Variants in PDGFB observed in about 807,000 individuals in gnomAD.
The protein encoded by PDGFB is platelet-derived growth factor subunit B.
Under a neutral mutation model 29.0 loss-of-function variants are expected in PDGFB, and 6 were observed. The observed-to-expected ratio is 0.21, with a 90% CI of 0.11 to 0.41. The LOEUF (loss-of-function observed/expected upper bound fraction) is 0.41, where lower values mean the gene tolerates loss of function less well. PDGFB is among the 10% of genes least tolerant of loss of function. The pLI, the probability that PDGFB is intolerant of heterozygous loss-of-function variation, is 1.00. For missense variants in PDGFB, 299 were observed against 341.8 expected (o/e 0.87, Z 0.99); for synonymous variants, 144 against 140.8 (o/e 1.02, Z -0.16).
rs768465506 is a variant in PDGFB at position 39,224,245 on chromosome 22, T to C, written c.*1097A>G. The C allele has an allele frequency of 1.3e-5, 2 of 152,198 alleles. No individual in the cohort carries two copies. The highest frequency in any genetic ancestry group is 2.4e-5 in the African/African-American group (1 of 41,444). The allele number at this position is 152,198 out of a possible 1,614,324, so 9.4% of individuals were successfully genotyped here. ...TGTGTGAATTAGGAAAAGGATCCTT[T>C]TCCTCTTTACCTACATCTGCCAGAA... On this transcript the variant is annotated 3_prime_UTR_variant, in exon 7 of 7. Coordinates refer to ENST00000331163, the MANE Select transcript of PDGFB (RefSeq NM_002608.4).
chr22:39,244,743 G>T lies in PDGFB; in HGVS notation c.-780C>A, dbSNP rs1932654004. On this transcript the variant is annotated 5_prime_UTR_variant, in exon 1 of 7. Coordinates refer to ENST00000331163, the MANE Select transcript of PDGFB (RefSeq NM_002608.4). The surrounding 1 kb of genome is among the most constrained non-coding windows in gnomAD (Gnocchi z 4.5). ...CTCTGCGGGCTGCGGGCTGCGAGCT[G>T]CGAGCTGCGAGCTGCGGCTGCTCCG... is the stretch of plus-strand genomic sequence containing the variant. 1 of 189,112 alleles carries T rather than the reference G, an allele frequency of 5.3e-6. No individual in the cohort carries two copies. The highest frequency in any genetic ancestry group is 6.2e-5 in the Admixed American group (1 of 16,056). 11.7% of individuals were successfully genotyped at this position (189,112 alleles called of 1,614,324 possible).
chr22:39,225,670 C>T (rs1932146061), intron 6 of PDGFB, 25 bp downstream of exon 6: 1 of 1,587,682 alleles, frequency 6.3e-7, no homozygotes, highest in East Asian at 2.3e-5. Flanking sequence ...GATTCTGGGC[C>T]TCAGTTGCCC....
intron 1 of PDGFB, 32 bp from the exon 2 acceptor site, chr22:39,235,906 C>G (rs763056377): frequency 2.7e-6 from 4 of 1,473,776 alleles, no homozygotes; most frequent in Non-Finnish European, 3.8e-6. Context: ...GCTGAGTGAG[C>G]TGGGAGTGGG....
chr22:39,231,777 T>C lies in PDGFB; in HGVS notation c.301A>G (p.Thr101Ala). 2 of 1,613,704 alleles carry C rather than the reference T, an allele frequency of 1.2e-6. No individual in the cohort carries two copies. Among genetic ancestry groups the C allele is most frequent in the African/African-American group, 1.3e-5 (1 of 75,042 alleles). ...PAMIAECKTR[T>A]EVFEISRRLI... ...CGCCGGGAGATCTCGAACACCTCGG[T>C]GCGCGTCTTGCACTCGGCGATCATG... Residue 101 changes from threonine to alanine, a missense_variant, in exon 4 of 7, where the codon ACC becomes GCC. Coordinates refer to ENST00000331163, the MANE Select transcript of PDGFB (RefSeq NM_002608.4). This position sits in a 1 kb window ranked among gnomAD's most constrained non-coding sequence, Gnocchi z 4.3.
chr22:39,233,516 C>G lies in PDGFB; in HGVS notation c.169G>C (p.Gly57Arg), dbSNP rs1165442073. ...LLHGDPGEED[G>R]AELDLNMTRS... ...GTCATGTTCAGGTCCAACTCGGCCC[C>G]ATCTTCCTCTGCAGGAGAAGTCACA... Residue 57 changes from glycine to arginine, a missense_variant, in exon 3 of 7, where the codon GGG becomes CGG. Gly to Arg is a moderately radical substitution (Grantham distance 125). Coordinates refer to ENST00000331163, the MANE Select transcript of PDGFB (RefSeq NM_002608.4). 1 of 1,588,020 alleles carries G rather than the reference C, an allele frequency of 6.3e-7. No homozygotes were observed. The highest frequency in any genetic ancestry group is 1.4e-5 in the African/African-American group (1 of 73,062).
intron 1 of PDGFB, chr22:39,240,718 A>C: frequency 3.0e-6 from 3 of 991,188 alleles, no homozygotes; most frequent in Non-Finnish European, 4.8e-6. Flanking sequence ...CCAGGAGGAA[A>C]GCTCTCTAAT....
chr22:39,235,783 G>A lies in PDGFB; in HGVS notation c.155C>T (p.Pro52Leu), dbSNP rs141709643. 54 of 1,610,942 alleles carry A rather than the reference G, an allele frequency of 3.4e-5. No homozygotes were observed. The African/African-American group carries it at 6.8e-4, about 20-fold the overall frequency. Residue 52 changes from proline (P) to leucine (L), a missense_variant, in exon 2 of 7, where the codon CCC becomes CTC. Pro to Leu is a moderately conservative substitution (Grantham distance 98). Coordinates refer to ENST00000331163, the MANE Select transcript of PDGFB (RefSeq NM_002608.4). Reference sequence around the variant, plus strand: ...GGGGCGAGGATTCCATTTACCTCCGGGGTCTCCGTGCAGCAGGCGTTGGAG... The same window carrying A: ...GGGGCGAGGATTCCATTTACCTCCGAGGTCTCCGTGCAGCAGGCGTTGGAG... ...DDLQRLLHGDPGEEDGAELDL... is the reference protein window; with the variant it reads ...DDLQRLLHGDLGEEDGAELDL...
At chr22:39,237,455 G>C (rs981130660) in intron 1 of PDGFB, among the ~76,000 whole-genome samples, 5 of 152,158 alleles carry the variant, frequency 3.3e-5, no homozygotes, top group African/African-American at 1.2e-4. Flanking sequence ...TGAGAACTAG[G>C]GTCTTTCCTT....
intron 4 of PDGFB, 142 bp from the exon 5 acceptor site, chr22:39,230,370 A>T (rs4821874): frequency 2.6e-6 from 2 of 761,192 alleles, no homozygotes; most frequent in South Asian, 1.6e-5. Flanking sequence ...GTGGGGCAAA[A>T]GCTTTGGCCC....
rs572857808 is a variant in PDGFB at position 39,244,318 on chromosome 22, A to T, written c.-355T>A. Reference sequence around the variant, plus strand: ...CCAGGGGACTCCAACCTCCAAGAGGAAAAGGAACACGGCAGTCGATGGTTC... The same window carrying T: ...CCAGGGGACTCCAACCTCCAAGAGGTAAAGGAACACGGCAGTCGATGGTTC... On this transcript the variant is annotated 5_prime_UTR_variant, in exon 1 of 7. Coordinates refer to ENST00000331163, the MANE Select transcript of PDGFB (RefSeq NM_002608.4). The surrounding 1 kb of genome is among the most constrained non-coding windows in gnomAD (Gnocchi z 4.5). 6.7e-4 allele frequency: 139 copies of T among 206,366 alleles called. 2 individuals are homozygous for T. In the East Asian group the frequency reaches 9.8e-3, roughly 15 times the overall value. 12.8% of individuals were successfully genotyped at this position (206,366 alleles called of 1,614,324 possible).
In PDGFB at chr22:39,230,088, C is replaced by A. The variant is rs139548530; in HGVS notation, c.597G>T (p.Gln199His). 9.9e-6 allele frequency: 16 copies of A among 1,613,532 alleles called. No homozygotes were observed. The African/African-American group carries it at 1.6e-4, about 16-fold the overall frequency. Residue 199 changes from glutamine (Q) to histidine (H), a missense_variant, in exon 5 of 7, where the codon CAG (glutamine) becomes CAT (histidine). Physicochemically the swap from Gln to His is conservative, Grantham distance 24 (BLOSUM62 0). Coordinates refer to ENST00000331163, the MANE Select transcript of PDGFB (RefSeq NM_002608.4). ...TGAGCCTGGAAAGGTGGTTACCTCG[C>A]TGCTCCTGGGAACCCCCCGGGCTTC... is the stretch of plus-strand genomic sequence containing the variant. ...VTRSPGGSQE[Q>H]RAKTPQTRVT...
At chr22:39,240,132 G>A (rs149703111) in intron 1 of PDGFB, among the ~76,000 whole-genome samples, 18 of 152,310 alleles carry the variant, frequency 1.2e-4, no homozygotes, top group African/African-American at 3.4e-4. Flanking sequence ...GGACCCTCCC[G>A]CTCAGCCTCT....
chr22:39,235,713 T>C, intron 2 of PDGFB, 65 bp downstream of exon 2: 2 of 1,152,800 alleles, frequency 1.7e-6, no homozygotes, highest in Non-Finnish European at 1.3e-6. Flanking sequence ...CCTCCTGTCC[T>C]GCCCCTCCCA....
chr22:39,238,102 C>T (rs1932487735), intron 1 of PDGFB, among the ~76,000 whole-genome samples: 1 of 152,216 alleles, frequency 6.6e-6, no homozygotes, highest in Non-Finnish European at 1.5e-5. Context: ...GACCCCTGAA[C>T]AGGCCGAGTG....
intron 1 of PDGFB, among the ~76,000 whole-genome samples, chr22:39,241,323 G>A (rs1269097810): frequency 6.6e-6 from 1 of 152,190 alleles, no homozygotes; most frequent in Admixed American, 6.5e-5. Flanking sequence ...CCACCAGCAG[G>A]CCTGCCCTGA....
intron 1 of PDGFB, among the ~76,000 whole-genome samples, chr22:39,238,359 C>T (rs1158086822): frequency 6.6e-6 from 1 of 152,026 alleles, no homozygotes; most frequent in African/African-American, 2.4e-5. Flanking sequence ...ACTAGAGTCC[C>T]TTTTAATCTG....
intron 2 of PDGFB, among the ~76,000 whole-genome samples, 190 bp from the exon 3 acceptor site, chr22:39,233,714 G>A (rs1932370051): frequency 6.6e-6 from 1 of 152,208 alleles, no homozygotes; most frequent in Non-Finnish European, 1.5e-5. Flanking sequence ...CAGGACAGCT[G>A]CAGGCCCAGG....
At chr22:39,225,896 G>C in intron 5 of PDGFB, 49 bp from the exon 6 acceptor site, 1 of 1,574,710 alleles carries the variant, frequency 6.4e-7, no homozygotes, top group Admixed American at 1.7e-5. Context: ...CATTGGGGAG[G>C]TCTCTCCCCA....
intron 4 of PDGFB, among the ~76,000 whole-genome samples, chr22:39,230,928 T>C (rs921526513): frequency 6.6e-6 from 1 of 152,242 alleles, no homozygotes; most frequent in African/African-American, 2.4e-5. Context: ...AAGCAGCAGC[T>C]TCTCTGACTC....
Sources: gnomAD v4.1 joint callset for allele counts (sites outside exome capture counted in the v4.1 genomes callset) on GRCh38, gnomAD v4.1.1 for gene constraint, Gnocchi (gnomAD v3.1) non-coding constraint, MANE v1.5 for transcripts, NCBI Gene and HGNC (gene_info 2026-07-23, HGNC 2026-07-21) for gene names.